ZNF804A: variants seen among roughly 807,000 people sequenced by gnomAD.
The protein encoded by ZNF804A is zinc finger protein 804A.
A neutral mutation model predicts 16.5 loss-of-function variants in ZNF804A; 2 were observed. That is an observed-to-expected ratio of 0.12 (90% CI 0.05 to 0.38). The LOEUF is 0.38. Ranked by LOEUF, ZNF804A falls within the 10% of genes least tolerant of loss-of-function variation. The probability of loss-of-function intolerance (pLI) is 0.99; values close to 1 mark genes in which losing one functional copy is unlikely to be tolerated. For missense variants in ZNF804A, 1,473 were observed against 1,390.7 expected (o/e 1.06, Z -0.94); for synonymous variants, 534 against 489.6 (o/e 1.09, Z -1.20).
intron 1 of ZNF804A, among the ~76,000 whole-genome samples, chr2:184,842,511 G>A (rs1255715285): frequency 2.0e-5 from 3 of 151,148 alleles, no homozygotes; most frequent in Non-Finnish European, 4.4e-5. Context: ...TTGGAGCTGG[G>A]ATTTTTTTTT....
chr2:184,813,685 G>T (rs1463428329), intron 1 of ZNF804A, among the ~76,000 whole-genome samples: 1 of 151,948 alleles, frequency 6.6e-6, no homozygotes, highest in Non-Finnish European at 1.5e-5. Flanking sequence ...TTAACCATCT[G>T]CCCAGGGTTT....
At chr2:184,873,839 A>G (rs975831551) in intron 2 of ZNF804A, among the ~76,000 whole-genome samples, 1 of 152,190 alleles carries the variant, frequency 6.6e-6, no homozygotes, top group African/African-American at 2.4e-5. Context: ...TCAAGTGATA[A>G]TGTGGATGAA....
At chr2:184,718,008 T>C (rs1693242166) in intron 1 of ZNF804A, among the ~76,000 whole-genome samples, 1 of 152,146 alleles carries the variant, frequency 6.6e-6, no homozygotes, top group Admixed American at 6.5e-5. Flanking sequence ...GCACCTATAT[T>C]AGTCCATTTT....
intron 1 of ZNF804A, among the ~76,000 whole-genome samples, chr2:184,827,712 C>T (rs1176350154): frequency 1.3e-5 from 2 of 151,054 alleles, no homozygotes; most frequent in African/African-American, 2.4e-5. Flanking sequence ...ATAATATATA[C>T]AAGATTCATC....
intron 2 of ZNF804A, among the ~76,000 whole-genome samples, chr2:184,900,240 T>C (rs1685156410): frequency 6.6e-6 from 1 of 152,128 alleles, no homozygotes; most frequent in Non-Finnish European, 1.5e-5. Flanking sequence ...TGGTGGAAGA[T>C]ATTAGTTCCC....
At chr2:184,880,239 A>G (rs1036603279) in intron 2 of ZNF804A, among the ~76,000 whole-genome samples, 6 of 152,106 alleles carry the variant, frequency 3.9e-5, no homozygotes, top group African/African-American at 1.4e-4. Context: ...ATATTTCAAA[A>G]AAAATTAAGA....
intron 1 of ZNF804A, among the ~76,000 whole-genome samples, chr2:184,747,289 T>TTTTC (rs1693803024): frequency 6.8e-6 from 1 of 147,528 alleles, no homozygotes; most frequent in Non-Finnish European, 1.5e-5. Context: ...GTGGAAGCTT[T>TTTTC]TTTCTTCCGC....
At position 184,930,399 on chromosome 2, in the gene ZNF804A, C is replaced by T. The variant is rs143848417; in HGVS notation, c.256-3204C>T. Among the ~76,000 whole-genome samples the T allele has an allele frequency of 2.0e-5, 3 of 152,272 alleles. No individual in the cohort carries two copies. The East Asian group carries it at 5.8e-4, about 29-fold the overall frequency. On this transcript the variant is annotated intron_variant, in intron 2 of 3. Transcript: ENST00000302277. ...GACATTTATGACATGATTTATCTTT[C>T]ATCTAAATTCTACTCTGGAAAGTCT...
At chr2:184,763,179 G>A (rs1694065802) in intron 1 of ZNF804A, among the ~76,000 whole-genome samples, 1 of 152,088 alleles carries the variant, frequency 6.6e-6, no homozygotes, top group East Asian at 1.9e-4. Context: ...ATATGTTGAA[G>A]TTTTAACCCT....
At chr2:184,672,148 A>G (rs911753603) in intron 1 of ZNF804A, among the ~76,000 whole-genome samples, 1 of 152,246 alleles carries the variant, frequency 6.6e-6, no homozygotes, top group African/African-American at 2.4e-5. Flanking sequence ...TGATGGTACT[A>G]GAATTTCTGA....
intron 1 of ZNF804A, among the ~76,000 whole-genome samples, chr2:184,739,665 G>C (rs982701773): frequency 6.6e-6 from 1 of 152,104 alleles, no homozygotes; most frequent in African/African-American, 2.4e-5. Flanking sequence ...GTGCTGGGAT[G>C]ACAGGTGTGA....
intron 1 of ZNF804A, among the ~76,000 whole-genome samples, chr2:184,649,362 T>C (rs1355001787): frequency 6.6e-6 from 1 of 151,984 alleles, no homozygotes; most frequent in Non-Finnish European, 1.5e-5. Context: ...TAACATTACA[T>C]TCAGAGGAAC....
intron 1 of ZNF804A, among the ~76,000 whole-genome samples, chr2:184,736,099 T>A (rs955608200): frequency 6.6e-6 from 1 of 152,164 alleles, no homozygotes; most frequent in Admixed American, 6.5e-5. Flanking sequence ...ATGTTCAGTC[T>A]CCCCTCAGTT....
Position 184,827,068 on chromosome 2 carries a change from C to G in ZNF804A, c.112-39301C>G, listed in dbSNP as rs781780224. Among the ~76,000 whole-genome samples the G allele has an allele frequency of 7.4e-4, 113 of 151,812 alleles. 1 individual carries two copies. The highest frequency in any genetic ancestry group is 1.5e-3 in the Non-Finnish European group (103 of 67,858). Reference sequence around the variant, plus strand: ...TAAGAAAACATAGTAGTTAAGATCTCTAAATATCTATAAGCTGTTAAATGT... The same window carrying G: ...TAAGAAAACATAGTAGTTAAGATCTGTAAATATCTATAAGCTGTTAAATGT... On this transcript the variant is annotated intron_variant, in intron 1 of 3. Coordinates refer to ENST00000302277, the MANE Select transcript of ZNF804A (RefSeq NM_194250.2).
intron 1 of ZNF804A, among the ~76,000 whole-genome samples, chr2:184,618,952 A>T (rs569893063): frequency 6.6e-6 from 1 of 152,130 alleles, no homozygotes; most frequent in Non-Finnish European, 1.5e-5. Flanking sequence ...CAGGGAGAGT[A>T]TAAGAAGATA....
Position 184,936,408 on chromosome 2 carries a change from G to C in ZNF804A, c.1012G>C (p.Glu338Gln), listed in dbSNP as rs188817910. 2 of 1,613,938 alleles carry C rather than the reference G, an allele frequency of 1.2e-6. No individual in the cohort carries two copies. Among genetic ancestry groups the C allele is most frequent in the Non-Finnish European group, 1.7e-6 (2 of 1,179,926 alleles). ...SVPLADQIPL[E>Q]SVVINEDIPV... ...CCCATTAGCAGATCAAATACCACTA[G>C]AGAGTGTTGTTATTAATGAAGACAT... Residue 338 changes from glutamate to glutamine, a missense_variant, in exon 4 of 4, where the codon GAG becomes CAG. Physicochemically the swap from Glu to Gln is conservative, Grantham distance 29. Coordinates refer to ENST00000302277, the MANE Select transcript of ZNF804A (RefSeq NM_194250.2).
intron 1 of ZNF804A, among the ~76,000 whole-genome samples, chr2:184,844,229 A>G (rs1695479902): frequency 6.6e-6 from 1 of 151,370 alleles, no homozygotes; most frequent in South Asian, 2.1e-4. Context: ...TACATATGAT[A>G]TAATCAGCCA....
At chr2:184,797,133 G>A (rs1373698043) in intron 1 of ZNF804A, among the ~76,000 whole-genome samples, 1 of 151,960 alleles carries the variant, frequency 6.6e-6, no homozygotes, top group Non-Finnish European at 1.5e-5. Flanking sequence ...GTATGTATCT[G>A]ATGAGTTCAT....
intron 1 of ZNF804A, among the ~76,000 whole-genome samples, chr2:184,860,400 A>G (rs1695780744): frequency 6.6e-6 from 1 of 152,246 alleles, no homozygotes; most frequent in African/African-American, 2.4e-5. Flanking sequence ...CTTGAAGTCT[A>G]GGACCACAAG....
Sources: allele counts gnomAD v4.1 joint callset (sites outside exome capture counted in the v4.1 genomes callset), GRCh38; gene constraint gnomAD v4.1.1; transcripts MANE v1.5; gene names NCBI Gene and HGNC (gene_info 2026-07-23, HGNC 2026-07-21).